Variants in HDGF observed in about 807,000 individuals in gnomAD.
The protein encoded by HDGF is hepatoma-derived growth factor.
HDGF carries 5 observed loss-of-function variants against 30.0 expected under a neutral mutation model. The ratio of observed to expected loss-of-function variants is 0.17; its 90% confidence interval spans 0.09 to 0.35. The LOEUF is 0.35. Among genes scored for constraint, HDGF ranks in the 10% least tolerant of loss-of-function variants. HDGF has a pLI of 1.00. For synonymous variants in HDGF, 133 were observed against 112.7 expected (o/e 1.18, Z -1.14); for missense variants, 214 against 302.8 (o/e 0.71, Z 2.18).
chr1:156,757,345 A>G (rs954051678), upstream of HDGF, among the ~76,000 whole-genome samples: 17 of 151,844 alleles, frequency 1.1e-4, no homozygotes, highest in Admixed American at 2.0e-4. Flanking sequence ...GCATGCCTGT[A>G]ATCCTAGCTA....
chr1:156,746,863 C>T (rs932938133), intron 1 of HDGF, among the ~76,000 whole-genome samples: 2 of 152,200 alleles, frequency 1.3e-5, no homozygotes, highest in African/African-American at 4.8e-5. Flanking sequence ...CAGTGATTAA[C>T]ACACAGAGAC....
chr1:156,743,326 T>C lies in HDGF; in HGVS notation c.*123A>G. 9.5e-7 allele frequency: 1 copy of C among 1,054,560 alleles called. No individual in the cohort carries two copies. The allele number at this position is 1,054,560 out of a possible 1,614,324, so 65.3% of individuals were successfully genotyped here. On this transcript the variant is annotated 3_prime_UTR_variant, in exon 6 of 6. Transcript: ENST00000357325. ...CTGGGCTTGGAGTGGGAAAAGTGAGTAGAAGAGGAGAGCAGGTTGGGGTGG... is the reference window on the plus strand; with the variant it reads ...CTGGGCTTGGAGTGGGAAAAGTGAGCAGAAGAGGAGAGCAGGTTGGGGTGG...
chr1:156,744,861 G>A, intron 3 of HDGF, 147 bp downstream of exon 3: 3 of 913,906 alleles, frequency 3.3e-6, no homozygotes, highest in Non-Finnish European at 5.1e-6. Flanking sequence ...CTTCTTGCAG[G>A]AAGCCCCCTT....
rs555357318 is a variant in HDGF, at chr1:156,746,411, C to T, written c.88-1038G>A. On this transcript the variant is annotated intron_variant, in intron 1 of 5. Transcript: ENST00000357325. Reference sequence around the variant, plus strand: ...GTCAAAGGGCTGCCTATCCAACGCCCGCCAAAAGGCTTCTAGGGAACTCTG... The same window carrying T: ...GTCAAAGGGCTGCCTATCCAACGCCTGCCAAAAGGCTTCTAGGGAACTCTG... 4.2e-4 allele frequency among the ~76,000 whole-genome samples: 64 copies of T among 152,350 alleles called. No homozygotes were observed. In the Middle Eastern group the frequency reaches 0.01, roughly 24 times the overall value.
chr1:156,764,928 G>C (rs1303471749), intron 1 of HDGF, among the ~76,000 whole-genome samples: 1 of 151,620 alleles, frequency 6.6e-6, no homozygotes, highest in Admixed American at 6.6e-5. Context: ...ATTTGAGACA[G>C]GTCCCTGTCC....
At chr1:156,763,574 C>G (rs565252025) in intron 1 of HDGF, among the ~76,000 whole-genome samples, 14 of 150,928 alleles carry the variant, frequency 9.3e-5, no homozygotes, top group Admixed American at 6.6e-5. Context: ...CATAGATGTA[C>G]CAGTTACAAA....
chr1:156,752,494 CTG>C, upstream of HDGF: 1 of 790,046 alleles, frequency 1.3e-6, no homozygotes, highest in South Asian at 1.7e-5. Flanking sequence ...CTTCAGTAAA[CTG>C]TGAAGACCGA....
chr1:156,755,938 T>C (rs1430135838), upstream of HDGF, among the ~76,000 whole-genome samples: 1 of 152,168 alleles, frequency 6.6e-6, no homozygotes, highest in East Asian at 1.9e-4. Context: ...GTGATTATGA[T>C]TGAATGAATG....
At chr1:156,763,266 G>A (rs1651285599) in intron 1 of HDGF, among the ~76,000 whole-genome samples, 1 of 151,112 alleles carries the variant, frequency 6.6e-6, no homozygotes. Context: ...AGGCTGGACT[G>A]CAGTGGCGCG....
At chr1:156,747,031 C>T (rs969652832) in intron 1 of HDGF, among the ~76,000 whole-genome samples, 1 of 151,954 alleles carries the variant, frequency 6.6e-6, no homozygotes, top group Non-Finnish European at 1.5e-5. Flanking sequence ...CCCGCTTGCC[C>T]CGTGGCCTCT....
At chr1:156,755,322 G>T (rs1478680851), upstream of HDGF, among the ~76,000 whole-genome samples, 1 of 152,120 alleles carries the variant, frequency 6.6e-6, no homozygotes, top group Non-Finnish European at 1.5e-5. Context: ...ATTTCTGTAC[G>T]GATCAAGAAG....
chr1:156,751,615 G>A lies in HDGF; in HGVS notation c.-186C>T. The A allele has an allele frequency of 1.0e-6, 1 of 985,168 alleles. No homozygotes were observed. The highest frequency in any genetic ancestry group is 1.2e-6 in the Non-Finnish European group (1 of 830,524). 61.0% of individuals were successfully genotyped at this position (985,168 alleles called of 1,614,324 possible). A position where few individuals can be genotyped will look rare whatever the true frequency, so the allele number is the denominator to read the frequency against. ...CCCGCGCGCCGCACGGACGGGGCGG[G>A]CGCGGATCGGGGCAAGGCTCCGGCG... On this transcript the variant is annotated 5_prime_UTR_variant, in exon 1 of 6. Transcript: ENST00000357325. This position sits in a 1 kb window ranked among gnomAD's most constrained non-coding sequence, Gnocchi z 4.7.
upstream of HDGF, chr1:156,751,967 G>C: frequency 3.5e-6 from 5 of 1,424,452 alleles, no homozygotes; most frequent in Non-Finnish European, 4.8e-6. The surrounding 1 kb of genome is among the most constrained non-coding windows in gnomAD (Gnocchi z 4.7). Flanking sequence ...GTGCCCGCCC[G>C]CCCGGGAGGA....
At chr1:156,764,742 T>C (rs893795444) in intron 1 of HDGF, among the ~76,000 whole-genome samples, 2 of 151,502 alleles carry the variant, frequency 1.3e-5, no homozygotes, top group African/African-American at 4.8e-5. Flanking sequence ...AAAAATTAGC[T>C]GGGCATGGCG....
At chr1:156,753,259 G>A (rs969132719), upstream of HDGF, among the ~76,000 whole-genome samples, 3 of 152,160 alleles carry the variant, frequency 2.0e-5, no homozygotes, top group Admixed American at 6.5e-5. Flanking sequence ...CTGGCACAGG[G>A]GGGCATTCTG....
chr1:156,750,308 C>CT (rs1449482689), intron 1 of HDGF, among the ~76,000 whole-genome samples: 1 of 152,180 alleles, frequency 6.6e-6, no homozygotes, highest in African/African-American at 2.4e-5. Flanking sequence ...TCTACACCAA[C>CT]TTTAAGTTGC....
chr1:156,752,000 C>T (rs1426820466), upstream of HDGF: 4 of 1,535,720 alleles, frequency 2.6e-6, no homozygotes, highest in Admixed American at 5.9e-5. The surrounding 1 kb of genome is among the most constrained non-coding windows in gnomAD (Gnocchi z 4.7). Context: ...CTGGACGGAG[C>T]GGCCCCCGCC....
chr1:156,761,451 A>T lies in HDGF; in HGVS notation n.137-2232T>A, dbSNP rs1571562281. On this transcript the variant is annotated intron_variant and non_coding_transcript_variant, in intron 1 of 7. Transcript: ENST00000465180. ...TGGTAAAACCCCATCTCTACTAAAA[A>T]TATAAAAACTAGCCCGGCGTGGTGG... is the stretch of plus-strand genomic sequence containing the variant. 4.0e-5 allele frequency among the ~76,000 whole-genome samples: 6 copies of T among 151,368 alleles called. No homozygotes were observed. The South Asian group carries it at 1.3e-3, about 32-fold the overall frequency.
upstream of HDGF, chr1:156,751,825 A>G: frequency 1.2e-6 from 1 of 829,692 alleles, no homozygotes; most frequent in South Asian, 2.8e-5. This position sits in a 1 kb window ranked among gnomAD's most constrained non-coding sequence, Gnocchi z 4.7. Flanking sequence ...TGATGCGTGC[A>G]GCTTCTTGAC....
Sources: gnomAD v4.1 joint callset for allele counts (sites outside exome capture counted in the v4.1 genomes callset) on GRCh38, gnomAD v4.1.1 for gene constraint, Gnocchi (gnomAD v3.1) non-coding constraint, MANE v1.5 for transcripts, NCBI Gene and HGNC (gene_info 2026-07-23, HGNC 2026-07-21) for gene names.